FBXL7: variants seen among roughly 807,000 people sequenced by gnomAD.
FBXL7 encodes F-box and leucine rich repeat protein 7.
A neutral mutation model predicts 38.3 loss-of-function variants in FBXL7; 12 were observed. The observed-to-expected ratio is 0.31, with a 90% confidence interval of 0.20 to 0.51. FBXL7 has a LOEUF of 0.51. Ranked by LOEUF, FBXL7 falls within the 20% of genes least tolerant of loss-of-function variation. The probability of loss-of-function intolerance (pLI) is 0.98; values close to 1 mark genes in which losing one functional copy is unlikely to be tolerated. For missense variants in FBXL7, 567 were observed against 676.4 expected, an observed-to-expected ratio of 0.84 and a Z score of 1.79; for synonymous variants, 297 against 300.9, an observed-to-expected ratio of 0.99 and a Z score of 0.13.
At chr5:15,783,776 G>C (rs1737062374) in intron 2 of FBXL7, among the ~76,000 whole-genome samples, 2 of 152,170 alleles carry the variant, frequency 1.3e-5, no homozygotes, top group Admixed American at 6.5e-5. Flanking sequence ...ATGGGTGCTG[G>C]ATTATTGATA....
chr5:15,776,617 A>G (rs774771567), intron 2 of FBXL7, among the ~76,000 whole-genome samples: 2 of 152,132 alleles, frequency 1.3e-5, no homozygotes, highest in East Asian at 3.8e-4. Context: ...CTGGGGCTCA[A>G]CATATGTGAT....
chr5:15,899,025 A>G (rs1741172242), intron 2 of FBXL7, among the ~76,000 whole-genome samples: 1 of 152,072 alleles, frequency 6.6e-6, no homozygotes, highest in Non-Finnish European at 1.5e-5. Flanking sequence ...ATCAATCATT[A>G]TATATATATT....
intron 2 of FBXL7, among the ~76,000 whole-genome samples, chr5:15,677,628 CTG>C (rs1460828262): frequency 5.9e-5 from 9 of 151,662 alleles, no homozygotes; most frequent in Non-Finnish European, 1.3e-4. Context: ...TGAGCACTAA[CTG>C]TAATTTCTCA....
chr5:15,689,722 T>A (rs1743126788), intron 2 of FBXL7, among the ~76,000 whole-genome samples: 2 of 152,196 alleles, frequency 1.3e-5, no homozygotes, highest in South Asian at 4.1e-4. Flanking sequence ...TACAAGTAAA[T>A]TAATCAGAGT....
At chr5:15,809,816 G>T (rs573822673) in intron 2 of FBXL7, among the ~76,000 whole-genome samples, 1 of 152,272 alleles carries the variant, frequency 6.6e-6, no homozygotes, top group African/African-American at 2.4e-5. Flanking sequence ...CTTTGATTTT[G>T]CATACATTAA....
At chr5:15,721,733 CTA>C (rs1161945583) in intron 2 of FBXL7, among the ~76,000 whole-genome samples, 1 of 152,056 alleles carries the variant, frequency 6.6e-6, no homozygotes, top group African/African-American at 2.4e-5. Context: ...CATATTGCCT[CTA>C]TTTCCTCATT....
intron 1 of FBXL7, among the ~76,000 whole-genome samples, chr5:15,523,284 T>C (rs921728109): frequency 2.0e-5 from 3 of 152,054 alleles, no homozygotes; most frequent in South Asian, 4.1e-4. Context: ...GTAGGCTGGG[T>C]GCGGTGGCTC....
At chr5:15,577,476 G>A (rs1025695641) in intron 1 of FBXL7, among the ~76,000 whole-genome samples, 16 of 152,102 alleles carry the variant, frequency 1.1e-4, no homozygotes, top group South Asian at 2.1e-4. Flanking sequence ...ATCATCGTTC[G>A]TTGCAGCTTC....
intron 2 of FBXL7, among the ~76,000 whole-genome samples, chr5:15,920,524 G>GT (rs148989430): frequency 0.054 from 8,111 of 150,214 alleles, 708 homozygotes; most frequent in African/African-American, 0.19. Context: ...TTTTTTGTTT[G>GT]TTTTTTTTTG....
At chr5:15,784,872 T>C (rs974371571) in intron 2 of FBXL7, among the ~76,000 whole-genome samples, 2 of 152,324 alleles carry the variant, frequency 1.3e-5, no homozygotes, top group Admixed American at 6.5e-5. Context: ...AATAACAACC[T>C]AGCACACACA....
At chr5:15,808,362 C>T (rs1328995700) in intron 2 of FBXL7, among the ~76,000 whole-genome samples, 1 of 151,912 alleles carries the variant, frequency 6.6e-6, no homozygotes, top group African/African-American at 2.4e-5. Flanking sequence ...TATATAAAAC[C>T]ATATATTTCC....
intron 2 of FBXL7, among the ~76,000 whole-genome samples, chr5:15,818,363 A>G (rs1269780745): frequency 1.3e-5 from 2 of 152,146 alleles, no homozygotes; most frequent in African/African-American, 4.8e-5. Context: ...CTTCTTATCC[A>G]TATGTCTTCC....
chr5:15,620,879 G>A (rs1740616814), intron 2 of FBXL7, among the ~76,000 whole-genome samples: 1 of 152,204 alleles, frequency 6.6e-6, no homozygotes, highest in Admixed American at 6.5e-5. Context: ...TCCCTGCGTA[G>A]TCTCTCACCT....
intron 1 of FBXL7, among the ~76,000 whole-genome samples, chr5:15,553,146 G>A (rs1738134476): frequency 6.6e-6 from 1 of 151,140 alleles, no homozygotes; most frequent in African/African-American, 2.4e-5. Context: ...AATCAAGCCT[G>A]ACCCACATAG....
rs1004632174 is a variant in FBXL7, at chr5:15,675,409, C to A, written c.127+59337C>A. Among the ~76,000 whole-genome samples the A allele has an allele frequency of 2.4e-4, 36 of 152,318 alleles. 1 individual carries two copies. The highest frequency in any genetic ancestry group is 8.2e-4 in the African/African-American group (34 of 41,582). Reference sequence around the variant, plus strand: ...AACACAATCTTGTATCATCTAATTTCTTCTAGATATACTGGAACAAAGTGT... The same window carrying A: ...AACACAATCTTGTATCATCTAATTTATTCTAGATATACTGGAACAAAGTGT... On this transcript the variant is annotated intron_variant, in intron 2 of 3. Transcript: ENST00000504595.
intron 2 of FBXL7, among the ~76,000 whole-genome samples, chr5:15,811,189 T>A (rs1197586362): frequency 6.6e-6 from 1 of 152,186 alleles, no homozygotes; most frequent in Non-Finnish European, 1.5e-5. Flanking sequence ...ACTTTTGCTG[T>A]GAGATCATAT....
chr5:15,830,425 A>G (rs1738423427), intron 2 of FBXL7, among the ~76,000 whole-genome samples: 1 of 151,538 alleles, frequency 6.6e-6, no homozygotes, highest in Non-Finnish European at 1.5e-5. Context: ...CAGAGGTTGC[A>G]GTGAGCCGAG....
intron 1 of FBXL7, among the ~76,000 whole-genome samples, chr5:15,520,734 C>T (rs1737073096): frequency 6.6e-6 from 1 of 152,198 alleles, no homozygotes; most frequent in African/African-American, 2.4e-5. Context: ...AAAAATGCCT[C>T]AGTTTTTTCC....
At chr5:15,580,963 A>C (rs1282046127) in intron 1 of FBXL7, among the ~76,000 whole-genome samples, 1 of 152,204 alleles carries the variant, frequency 6.6e-6, no homozygotes, top group African/African-American at 2.4e-5. Context: ...TCCAGGGATT[A>C]GGAGTTACGC....
Sources: allele counts gnomAD v4.1 joint callset (sites outside exome capture counted in the v4.1 genomes callset), GRCh38; gene constraint gnomAD v4.1.1; transcripts MANE v1.5; gene names NCBI Gene and HGNC (gene_info 2026-07-23, HGNC 2026-07-21).